The following GAREM2 variants were observed in gnomAD, a reference collection of about 807,000 sequenced individuals.
GAREM2 encodes the protein GRB2-associated and regulator of MAPK protein 2.
GAREM2 carries 30 observed loss-of-function variants against 55.6 expected under a neutral mutation model. That is an observed-to-expected ratio of 0.54 (90% CI 0.40 to 0.73). The LOEUF (loss-of-function observed/expected upper bound fraction) is 0.73, where lower values mean the gene tolerates loss of function less well. Ranked by LOEUF, GAREM2 falls within the 30% of genes least tolerant of loss-of-function variation. The pLI is 0.00. For synonymous variants in GAREM2, 550 were observed against 569.1 expected, an observed-to-expected ratio of 0.97 and a Z score of 0.48; for missense variants, 1,075 against 1,257.7, an observed-to-expected ratio of 0.85 and a Z score of 2.20.
chr2:26,190,471 C>T (rs377318678), downstream of GAREM2, among the ~76,000 whole-genome samples: 17 of 152,286 alleles, frequency 1.1e-4, no homozygotes, highest in African/African-American at 3.9e-4. Context: ...TGCCTGATTA[C>T]CGCACAGGCA....
At chr2:26,195,079 T>C in the GAREM2 span, 12 of 1,608,968 alleles carry the variant, frequency 7.5e-6, no homozygotes, top group African/African-American at 1.2e-4. Context: ...AGCTCTGTTA[T>C]ACAGCCCCTT....
chr2:26,197,737 GC>G, the GAREM2 span: 2 of 1,561,008 alleles, frequency 1.3e-6, no homozygotes, highest in African/African-American at 1.4e-5. Flanking sequence ...GATTGGGAGA[GC>G]AGATGTGTTA....
downstream of GAREM2, chr2:26,191,418 G>A (rs1055722662): frequency 1.2e-5 from 19 of 1,614,052 alleles, no homozygotes; most frequent in African/African-American, 8.0e-5. Context: ...AGAGGACTTC[G>A]TTGAAGGAGA....
At chr2:26,193,045 C>G (rs1343501747), downstream of GAREM2, among the ~76,000 whole-genome samples, 1 of 152,154 alleles carries the variant, frequency 6.6e-6, no homozygotes, top group Non-Finnish European at 1.5e-5. Context: ...AAAGTCACTT[C>G]TCTGTGGGCC....
downstream of GAREM2, chr2:26,193,699 A>G: frequency 6.2e-7 from 1 of 1,613,804 alleles, no homozygotes; most frequent in Non-Finnish European, 8.5e-7. Flanking sequence ...AACTTCATCC[A>G]CCAGTGTGGC....
chr2:26,192,909 G>A (rs761429156), downstream of GAREM2, among the ~76,000 whole-genome samples: 14 of 152,122 alleles, frequency 9.2e-5, no homozygotes, highest in African/African-American at 2.4e-5. Flanking sequence ...CTTGTGACCC[G>A]GAGCTTGGGC....
chr2:26,199,212 T>TA, the GAREM2 span: 1 of 151,946 alleles, frequency 6.6e-6, no homozygotes, highest in Non-Finnish European at 1.5e-5. Flanking sequence ...AAAATAACTT[T>TA]AAAAAACTAG....
the GAREM2 span, among the ~76,000 whole-genome samples, chr2:26,195,763 C>T: frequency 2.1e-4 from 32 of 152,292 alleles, no homozygotes; most frequent in African/African-American, 6.7e-4. Flanking sequence ...GTGTAGTACC[C>T]GGACCCAACA....
intron 5 of GAREM2, 142 bp from the exon 6 acceptor site, chr2:26,187,089 C>A: frequency 8.1e-7 from 1 of 1,238,840 alleles, no homozygotes; most frequent in South Asian, 3.8e-5. Context: ...ACGGCCATTC[C>A]GGAGGGTCTT....
At chr2:26,180,190 C>T (rs1668999014) in intron 2 of GAREM2, among the ~76,000 whole-genome samples, 1 of 152,178 alleles carries the variant, frequency 6.6e-6, no homozygotes, top group South Asian at 2.1e-4. Flanking sequence ...TCATTTCTCT[C>T]CCTGCTCCGT....
intron 3 of GAREM2, 69 bp downstream of exon 3, chr2:26,183,166 G>C: frequency 6.7e-7 from 1 of 1,501,564 alleles, no homozygotes; most frequent in Non-Finnish European, 9.0e-7. Flanking sequence ...CCCTGACTCT[G>C]GTTGGAAGGT....
chr2:26,190,830 T>C (rs760106163), downstream of GAREM2: 6 of 283,574 alleles, frequency 2.1e-5, no homozygotes, highest in Non-Finnish European at 3.4e-5. Context: ...TCTTCCAGAT[T>C]GCTTTTTGAA....
Position 26,187,623 on chromosome 2 carries a change from ATTCCC to A in GAREM2, c.1992_1996del (p.Ser665ArgfsTer26). ...CCTGTGGCTACCTCTGGCCCTGCGT[ATTCCC>A]CAGGCCCAGCCTCGCCAGGCCAGGC... On this transcript the variant is annotated frameshift_variant, in exon 6 of 6. Coordinates refer to ENST00000401533, the MANE Select transcript of GAREM2 (RefSeq NM_001168241.2). LOFTEE classifies it high-confidence loss of function. The A allele has an allele frequency of 1.3e-6, 2 of 1,548,730 alleles. No individual in the cohort carries two copies. The highest frequency in any genetic ancestry group is 1.7e-6 in the Non-Finnish European group (2 of 1,145,496).
chr2:26,176,194 T>C, intron 1 of GAREM2, 150 bp from the exon 2 acceptor site: 1 of 688,672 alleles, frequency 1.5e-6, no homozygotes, highest in South Asian at 3.5e-5. Flanking sequence ...AGCCCGCCTG[T>C]CCCTTGAGCT....
Position 26,187,994 on chromosome 2 carries a change from G to A in GAREM2, c.2362G>A (p.Gly788Arg). The A allele has an allele frequency of 6.8e-7, 1 of 1,470,976 alleles. No individual in the cohort carries two copies. Among genetic ancestry groups the A allele is most frequent in the Non-Finnish European group, 9.0e-7 (1 of 1,105,258 alleles). 91.1% of individuals were successfully genotyped at this position (1,470,976 alleles called of 1,614,324 possible). Reference sequence around the variant, plus strand: ...AGGGCCTCCTGCCAGTCCCCGGGATGGAGCCACAGGCTTTGGAGTCCGAGA... The same window carrying A: ...AGGGCCTCCTGCCAGTCCCCGGGATAGAGCCACAGGCTTTGGAGTCCGAGA... ...LEGPPASPRD[G>R]ATGFGVRDAS... The change falls in exon 6 of 6, where the codon GGA becomes AGA. Residue 788 changes from glycine (G) to arginine (R), a missense_variant. Transcript: ENST00000401533.
the GAREM2 span, chr2:26,195,103 T>G: frequency 6.2e-7 from 1 of 1,613,478 alleles, no homozygotes; most frequent in South Asian, 1.1e-5. Context: ...TTAACCACAA[T>G]GATGACCTTC....
downstream of GAREM2, chr2:26,193,876 C>A: frequency 1.1e-6 from 1 of 875,284 alleles, no homozygotes; most frequent in East Asian, 2.4e-5. Context: ...AAACCCACTT[C>A]TGAGTGTCAC....
At chr2:26,173,719 C>T (rs893824904) in intron 1 of GAREM2, among the ~76,000 whole-genome samples, 3 of 152,030 alleles carry the variant, frequency 2.0e-5, no homozygotes, top group Non-Finnish European at 4.4e-5. Flanking sequence ...TCTGTCTTCC[C>T]TCATCCCTGG....
In GAREM2 at chr2:26,189,432, C is replaced by T. The variant is rs1043311632; in HGVS notation, c.*1175C>T. ...TCAGGGCCCAAAGTGCCAGCCTTCTCTTCTGCCTTACCTAGTCTACCTATT... is the reference window on the plus strand; with the variant it reads ...TCAGGGCCCAAAGTGCCAGCCTTCTTTTCTGCCTTACCTAGTCTACCTATT... On this transcript the variant is annotated 3_prime_UTR_variant, in exon 6 of 6. Transcript: ENST00000401533. 1.1e-4 allele frequency: 17 copies of T among 152,198 alleles called. No individual in the cohort carries two copies. Among genetic ancestry groups the T allele is most frequent in the Admixed American group, 9.2e-4 (14 of 15,280 alleles). The allele number at this position is 152,198 out of a possible 1,614,324, so 9.4% of individuals were successfully genotyped here.
Sources: allele counts gnomAD v4.1 joint callset (sites outside exome capture counted in the v4.1 genomes callset), GRCh38; gene constraint gnomAD v4.1.1; transcripts MANE v1.5; gene names NCBI Gene and HGNC (gene_info 2026-07-23, HGNC 2026-07-21).